The following ETV4 variants were observed in gnomAD, a reference collection of about 807,000 sequenced individuals.
The protein encoded by ETV4 is ETS translocation variant 4.
ETV4 carries 42 observed loss-of-function variants against 65.9 expected under a neutral mutation model. The observed-to-expected ratio is 0.64, with a 90% CI of 0.50 to 0.82. ETV4 has a LOEUF of 0.82. Among genes scored for constraint, ETV4 ranks in the 40% least tolerant of loss-of-function variants. ETV4 has a pLI of 0.00. For missense variants in ETV4, 583 were observed against 630.3 expected (o/e 0.92, Z 0.80); for synonymous variants, 238 against 260.0 (o/e 0.92, Z 0.81).
chr17:43,529,764 G>T (rs778738233), intron 10 of ETV4, 88 bp from the exon 11 acceptor site: 689 of 1,591,460 alleles, frequency 4.3e-4, no homozygotes, highest in Non-Finnish European at 5.8e-4. Flanking sequence ...TCTCGAAGGG[G>T]TCTCCCCAGG....
chr17:43,545,234 T>TGTGTG, intron 3 of ETV4, 40 bp downstream of exon 3: 2 of 1,237,912 alleles, frequency 1.6e-6, no homozygotes, highest in Non-Finnish European at 2.3e-6. Context: ...TGTGTGTGTG[T>TGTGTG]GGCGGAGGAG....
chr17:43,539,228 C>T (rs1436876031), intron 4 of ETV4, among the ~76,000 whole-genome samples: 1 of 152,184 alleles, frequency 6.6e-6, no homozygotes, highest in East Asian at 1.9e-4. Flanking sequence ...CTCTCCTTGC[C>T]TGTGAATCTG....
chr17:43,537,281 C>A (rs1971292261), intron 4 of ETV4, among the ~76,000 whole-genome samples: 4 of 152,210 alleles, frequency 2.6e-5, no homozygotes, highest in South Asian at 2.1e-4. Flanking sequence ...AGAAGAATCG[C>A]TTGAACCTGG....
Position 43,545,194 on chromosome 17 carries a change from C to CGT in ETV4, c.154+78_154+79dup, listed in dbSNP as rs34640745. On this transcript the variant is annotated intron_variant, in intron 3 of 12. Transcript: ENST00000319349. ...AACAGGCGGGGGTTCCAGAATCGGC[C>CGT]GTGTGTGTGTGTGTGTGTGTGTGTG... 124,505 of 627,184 alleles carry CGT rather than the reference C, an allele frequency of 0.2. 3,621 individuals carry two copies. The highest frequency in any genetic ancestry group is 0.22 in the African/African-American group (9,810 of 45,122). The allele number at this position is 627,184 out of a possible 1,614,324, so 38.9% of individuals were successfully genotyped here.
intron 4 of ETV4, 139 bp downstream of exon 4, chr17:43,544,836 C>T (rs1249626812): frequency 2.7e-6 from 2 of 740,688 alleles, no homozygotes; most frequent in Non-Finnish European, 4.8e-6. Context: ...TGGCAAGGGA[C>T]CTGGGGAGAG....
chr17:43,545,934 C>CGTACGTGTGT (rs1555560543), intron 1 of ETV4: 1 of 262,538 alleles, frequency 3.8e-6, no homozygotes, highest in Non-Finnish European at 7.4e-6. Context: ...TACATAAGAA[C>CGTACGTGTGT]GTGTGTGTGT....
At position 43,532,776 on chromosome 17, in the gene ETV4, C is replaced by T. The variant is rs990736648; in HGVS notation, c.709G>A (p.Ala237Thr). ...CCCTGGTCCACGGCTGGCTGGCCCG[C>T]CTGTTCATACAGGGGATCATGGTAT... is the stretch of plus-strand genomic sequence containing the variant. ...QEYHDPLYEQ[A>T]GQPAVDQGGV... The change falls in exon 8 of 13, where the codon GCG becomes ACG. Residue 237 changes from alanine (A) to threonine (T), a missense_variant. Physicochemically the swap from Ala to Thr is moderately conservative, Grantham distance 58. Transcript: ENST00000319349. 3.7e-6 allele frequency: 6 copies of T among 1,613,880 alleles called. No individual in the cohort carries two copies. In the African/African-American group the frequency reaches 8.0e-5, roughly 22 times the overall value.
intron 4 of ETV4, among the ~76,000 whole-genome samples, chr17:43,538,350 G>C (rs1971351755): frequency 6.6e-6 from 1 of 152,118 alleles, no homozygotes; most frequent in South Asian, 2.1e-4. Flanking sequence ...CAGTGGGAGA[G>C]CAGGAGGCTG....
chr17:43,544,861 C>T (rs1042765668), intron 4 of ETV4, 114 bp downstream of exon 4: 2 of 1,008,386 alleles, frequency 2.0e-6, no homozygotes, highest in Non-Finnish European at 3.1e-6. Context: ...TTGGAGAACT[C>T]CTTGAGGCAG....
At chr17:43,536,623 T>C (rs192775558) in intron 4 of ETV4, 144 bp from the exon 5 acceptor site, 851 of 659,832 alleles carry the variant, frequency 1.3e-3, no homozygotes, top group Non-Finnish European at 1.5e-3. Context: ...GTAAGAATTG[T>C]CTTGGGCCAC....
At chr17:43,540,151 G>A (rs575126855) in intron 4 of ETV4, among the ~76,000 whole-genome samples, 15 of 152,268 alleles carry the variant, frequency 9.9e-5, no homozygotes, top group South Asian at 6.2e-4. Context: ...TCACCAGGAC[G>A]TTGTTAAAAA....
chr17:43,533,336 G>C lies in ETV4; in HGVS notation c.396C>G (p.Pro132=). The C allele has an allele frequency of 6.2e-7, 1 of 1,613,490 alleles. No homozygotes were observed. The highest frequency in any genetic ancestry group is 2.2e-5 in the East Asian group (1 of 44,874). Residue 132 remains proline (P), a synonymous_variant, in exon 7 of 13, where the codon CCC becomes CCG. Coordinates refer to ENST00000319349, the MANE Select transcript of ETV4 (RefSeq NM_001079675.5). ...EQCLYSSAYD[P]PRQIAIKSPA... is the part of the protein sequence containing the mutation. ...GGGACTTGATGGCGATTTGTCTGGGGGGGTCATAGGCACTGGAGTTGAGAA... is the reference window on the plus strand; with the variant it reads ...GGGACTTGATGGCGATTTGTCTGGGCGGGTCATAGGCACTGGAGTTGAGAA...
At position 43,544,725 on chromosome 17, in the gene ETV4, T is replaced by C. The variant is rs569757482; in HGVS notation, c.202+250A>G. On this transcript the variant is annotated intron_variant, in intron 4 of 12. Coordinates refer to ENST00000319349, the MANE Select transcript of ETV4 (RefSeq NM_001079675.5). ...TCAAATAAGCAAATACCCCACACAA[T>C]GGTCTGATTCATCCTCAAGCCTAGT... 13 of 411,290 alleles carry C rather than the reference T, an allele frequency of 3.2e-5. No homozygotes were observed. The South Asian group carries it at 6.1e-4, about 19-fold the overall frequency. 25.5% of individuals were successfully genotyped at this position (411,290 alleles called of 1,614,324 possible). A position where few individuals can be genotyped will look rare whatever the true frequency, so the allele number is the denominator to read the frequency against.
rs538570019 is a variant in ETV4, at chr17:43,528,511, G to C, written c.*8C>G. ...CCCACCTGCGGCAGGGGGAACAGCCGCTGGGGGCTAGTAAGAGTAGCCACC... is the reference window on the plus strand; with the variant it reads ...CCCACCTGCGGCAGGGGGAACAGCCCCTGGGGGCTAGTAAGAGTAGCCACC... On this transcript the variant is annotated 3_prime_UTR_variant, in exon 13 of 13. Transcript: ENST00000319349. The C allele has an allele frequency of 6.3e-7, 1 of 1,585,630 alleles. No individual in the cohort carries two copies. The highest frequency in any genetic ancestry group is 2.2e-5 in the East Asian group (1 of 44,562).
In ETV4 at chr17:43,546,262, T is replaced by G. The variant is rs1388251770; in HGVS notation, c.-129A>C. 6.6e-6 allele frequency: 1 copy of G among 152,412 alleles called. No homozygotes were observed. The highest frequency in any genetic ancestry group is 2.4e-5 in the African/African-American group (1 of 41,392). The allele number at this position is 152,412 out of a possible 1,614,324, so 9.4% of individuals were successfully genotyped here. A position where few individuals can be genotyped will look rare whatever the true frequency, so the allele number is the denominator to read the frequency against. ...GAGCCCGCACCGAGGGCCGCGGGGC[T>G]AGGCCGGAGTAAGGCGGCCCCGGCC... On this transcript the variant is annotated 5_prime_UTR_variant, in exon 1 of 13. Transcript: ENST00000319349.
Position 43,533,895 on chromosome 17 carries a change from A to G in ETV4, c.347T>C (p.Leu116Pro). The stretch of plus-strand genomic sequence containing the variant: ...GCACTGCTCGCCATGGTGGTAGGGG[A>G]GTGGCGGCTTCCTGCTGCAGGACAG... ...PALSCSRKPP[L>P]PYHHGEQCLY... Residue 116 changes from leucine (L) to proline (P), a missense_variant, in exon 6 of 13, where the codon CTC becomes CCC. Coordinates refer to ENST00000319349, the MANE Select transcript of ETV4 (RefSeq NM_001079675.5). 1 of 1,597,358 alleles carries G rather than the reference A, an allele frequency of 6.3e-7. No homozygotes were observed. The highest frequency in any genetic ancestry group is 8.5e-7 in the Non-Finnish European group (1 of 1,174,086).
chr17:43,529,976 C>T lies in ETV4; in HGVS notation c.887-24G>A, dbSNP rs935922679. 3 of 1,614,054 alleles carry T rather than the reference C, an allele frequency of 1.9e-6. No individual in the cohort carries two copies. In the Admixed American group the frequency reaches 5.0e-5, roughly 27 times the overall value. The stretch of plus-strand genomic sequence containing the variant: ...GCCTTGTGGAGGAAATTGGGGGTTG[C>T]TCAGATCTGGGGGTTCACCGATGAG... On this transcript the variant is annotated intron_variant, in intron 9 of 12. Coordinates refer to ENST00000319349, the MANE Select transcript of ETV4 (RefSeq NM_001079675.5).
intron 4 of ETV4, 127 bp downstream of exon 4, chr17:43,544,848 G>T: frequency 1.2e-6 from 1 of 823,732 alleles, no homozygotes; most frequent in East Asian, 2.5e-5. Flanking sequence ...TGGGGAGAGG[G>T]CCTTGGAGAA....
intron 6 of ETV4, 42 bp downstream of exon 6, chr17:43,533,817 A>T: frequency 6.3e-7 from 1 of 1,599,876 alleles, no homozygotes; most frequent in Non-Finnish European, 8.5e-7. Flanking sequence ...CCTCCTCTGG[A>T]ACCCTTCTCC....
Sources: gnomAD v4.1 joint callset for allele counts (sites outside exome capture counted in the v4.1 genomes callset) on GRCh38, gnomAD v4.1.1 for gene constraint, MANE v1.5 for transcripts, NCBI Gene and HGNC (gene_info 2026-07-23, HGNC 2026-07-21) for gene names.